The following SGCZ variants were observed in gnomAD, a reference collection of about 807,000 sequenced individuals.
SGCZ encodes the protein zeta-sarcoglycan.
In SGCZ, 40 loss-of-function variants were observed where a neutral mutation model predicts 41.3. The observed-to-expected ratio is 0.97, with a 90% confidence interval of 0.75 to 1.26. The LOEUF is 1.26. Ranked by LOEUF, SGCZ falls within the 50% of genes most tolerant of loss-of-function variation. SGCZ has a pLI of 0.00. For missense variants in SGCZ, 552 were observed against 369.8 expected (o/e 1.49, Z -4.04); for synonymous variants, 206 against 137.5 (o/e 1.50, Z -3.49).
intron 1 of SGCZ, among the ~76,000 whole-genome samples, chr8:14,781,521 G>A (rs2253078): frequency 1.3e-5 from 2 of 151,842 alleles, no homozygotes; most frequent in African/African-American, 2.4e-5. Context: ...GAGCCACCAC[G>A]CCCAGACTAA....
chr8:14,636,665 G>C (rs190351147), intron 1 of SGCZ, among the ~76,000 whole-genome samples: 140 of 151,914 alleles, frequency 9.2e-4, no homozygotes, highest in Admixed American at 3.4e-3. Context: ...GCTGATGCAA[G>C]TATCAGAAGC....
intron 2 of SGCZ, among the ~76,000 whole-genome samples, chr8:14,533,637 A>C (rs988284262): frequency 3.9e-5 from 6 of 152,016 alleles, no homozygotes; most frequent in Admixed American, 3.9e-4. Context: ...ATCTAGGATC[A>C]GCCAGGCTCT....
At chr8:14,920,753 G>A (rs1799565364) in intron 1 of SGCZ, among the ~76,000 whole-genome samples, 1 of 152,112 alleles carries the variant, frequency 6.6e-6, no homozygotes, top group South Asian at 2.1e-4. Flanking sequence ...ACTATCATTA[G>A]GATACTTAAT....
chr8:14,551,488 A>AT (rs1377707655), intron 2 of SGCZ, among the ~76,000 whole-genome samples: 1 of 3,266 alleles, frequency 3.1e-4, no homozygotes, highest in Non-Finnish European at 7.2e-4. Flanking sequence ...TATTATATAT[A>AT]TTATATATAT....
rs575041543 is a variant in SGCZ at position 14,983,092 on chromosome 8, T to A, written c.39+254493A>T. Among the ~76,000 whole-genome samples, 5 of 152,356 alleles carry A rather than the reference T, an allele frequency of 3.3e-5. No individual in the cohort carries two copies. The South Asian group carries it at 1.0e-3, about 32-fold the overall frequency. On this transcript the variant is annotated intron_variant, in intron 1 of 7. Coordinates refer to ENST00000382080, the MANE Select transcript of SGCZ (RefSeq NM_139167.4). Reference sequence around the variant, plus strand: ...TTGTTCTGGGGATTCAATGAGTTAATACATGTTAATAAGATTTTGAGAACA... The same window carrying A: ...TTGTTCTGGGGATTCAATGAGTTAAAACATGTTAATAAGATTTTGAGAACA...
At chr8:14,637,310 A>T (rs112814021) in intron 1 of SGCZ, among the ~76,000 whole-genome samples, 13 of 147,680 alleles carry the variant, frequency 8.8e-5, no homozygotes, top group East Asian at 8.0e-4. Flanking sequence ...CTCTATTTTC[A>T]TTTTTTTTTT....
intron 2 of SGCZ, among the ~76,000 whole-genome samples, chr8:14,402,644 C>T (rs1307428259): frequency 7.0e-5 from 10 of 142,592 alleles, no homozygotes; most frequent in Non-Finnish European, 1.2e-4. Context: ...TTCCATTGAT[C>T]TATATCTCTG....
intron 2 of SGCZ, among the ~76,000 whole-genome samples, chr8:14,335,794 C>A (rs1445650273): frequency 6.6e-6 from 1 of 152,102 alleles, no homozygotes; most frequent in Non-Finnish European, 1.5e-5. Flanking sequence ...AGAGCTTGTG[C>A]CAGTCTCTAT....
At chr8:14,786,317 A>G (rs1029651845) in intron 1 of SGCZ, among the ~76,000 whole-genome samples, 1 of 152,188 alleles carries the variant, frequency 6.6e-6, no homozygotes, top group Admixed American at 6.5e-5. Flanking sequence ...AGACAAATAC[A>G]TAAGTTCCCT....
intron 1 of SGCZ, among the ~76,000 whole-genome samples, chr8:14,785,507 G>C (rs1800740964): frequency 1.3e-5 from 2 of 152,150 alleles, no homozygotes; most frequent in Non-Finnish European, 2.9e-5. Flanking sequence ...ATACCCAATA[G>C]TCAATATAGT....
At chr8:14,858,979 C>T (rs1803632902) in intron 1 of SGCZ, among the ~76,000 whole-genome samples, 1 of 152,008 alleles carries the variant, frequency 6.6e-6, no homozygotes, top group Admixed American at 6.6e-5. Context: ...ATTTACTTTG[C>T]TAATTTTTGA....
At chr8:14,804,009 C>G (rs28880069) in intron 1 of SGCZ, among the ~76,000 whole-genome samples, 62,850 of 104,728 alleles carry the variant, frequency 0.6, 20,570 homozygotes, top group African/African-American at 0.83. Flanking sequence ...CAGACCTGCA[C>G]CTGAGGGTGC....
intron 1 of SGCZ, among the ~76,000 whole-genome samples, chr8:14,651,792 A>G (rs773621181): frequency 6.6e-6 from 1 of 152,030 alleles, no homozygotes. Flanking sequence ...CCACTTTTCT[A>G]CTCTGTAATA....
intron 3 of SGCZ, among the ~76,000 whole-genome samples, chr8:14,254,567 T>A (rs978429759): frequency 1.2e-4 from 18 of 152,248 alleles, no homozygotes; most frequent in Admixed American, 8.5e-4. Context: ...TAGTGTCATA[T>A]TCCTCTAAAT....
At chr8:15,033,695 G>C (rs1403486853) in intron 1 of SGCZ, among the ~76,000 whole-genome samples, 1 of 152,058 alleles carries the variant, frequency 6.6e-6, no homozygotes, top group Admixed American at 6.5e-5. Context: ...CCCAGTGCCT[G>C]GTTGGCTCCT....
intron 1 of SGCZ, among the ~76,000 whole-genome samples, chr8:14,829,714 C>A (rs949741394): frequency 1.3e-5 from 2 of 151,950 alleles, no homozygotes; most frequent in African/African-American, 2.4e-5. Flanking sequence ...AGATGCTTAA[C>A]TAAAGTTGGA....
chr8:14,091,316 T>C (rs944679213), intron 7 of SGCZ, among the ~76,000 whole-genome samples: 7 of 151,976 alleles, frequency 4.6e-5, no homozygotes, highest in African/African-American at 1.7e-4. Flanking sequence ...TGTGTCTTTA[T>C]AGTAGAATGA....
chr8:14,261,299 T>A (rs1416185675), intron 3 of SGCZ, among the ~76,000 whole-genome samples: 1 of 152,112 alleles, frequency 6.6e-6, no homozygotes, highest in South Asian at 2.1e-4. Flanking sequence ...AATAAGCACA[T>A]AGAATGATGC....
intron 1 of SGCZ, among the ~76,000 whole-genome samples, chr8:14,868,332 T>C (rs138612068): frequency 2.6e-5 from 4 of 152,268 alleles, no homozygotes; most frequent in East Asian, 3.9e-4. Context: ...CCAACCATTC[T>C]AAGCAACACT....
Sources: allele counts gnomAD v4.1 joint callset (sites outside exome capture counted in the v4.1 genomes callset), GRCh38; gene constraint gnomAD v4.1.1; transcripts MANE v1.5; gene names NCBI Gene and HGNC (gene_info 2026-07-23, HGNC 2026-07-21).